Variants in ANKH observed in about 807,000 individuals in gnomAD.
The protein encoded by ANKH is mineralization regulator ANKH.
In ANKH, 15 loss-of-function variants were observed where a neutral mutation model predicts 49.0. The observed-to-expected ratio is 0.31, with a 90% CI of 0.20 to 0.47. ANKH has a LOEUF of 0.47. Among genes scored for constraint, ANKH ranks in the 20% least tolerant of loss-of-function variants. The probability of loss-of-function intolerance (pLI) is 1.00; values close to 1 mark genes in which losing one functional copy is unlikely to be tolerated. For synonymous variants in ANKH, 273 were observed against 260.0 expected (o/e 1.05, Z -0.48); for missense variants, 429 against 652.0 (o/e 0.66, Z 3.72).
chr5:14,826,425 T>C (rs1459484498), intron 1 of ANKH, among the ~76,000 whole-genome samples: 1 of 152,232 alleles, frequency 6.6e-6, no homozygotes, highest in African/African-American at 2.4e-5. Flanking sequence ...GTTCTTCCTG[T>C]TTGTGCTTCT....
At chr5:14,844,497 G>C (rs1741901568) in intron 1 of ANKH, among the ~76,000 whole-genome samples, 1 of 152,232 alleles carries the variant, frequency 6.6e-6, no homozygotes, top group Non-Finnish European at 1.5e-5. Flanking sequence ...TGAGGCTTCA[G>C]CCTTGCTCTC....
At chr5:14,780,471 A>G (rs1382330439) in intron 1 of ANKH, among the ~76,000 whole-genome samples, 1 of 152,192 alleles carries the variant, frequency 6.6e-6, no homozygotes, top group Non-Finnish European at 1.5e-5. Flanking sequence ...TGAACCCAGG[A>G]GGCGGAGGTT....
In ANKH at chr5:14,768,993, C is replaced by T. The variant is rs770678323; in HGVS notation, c.295G>A (p.Val99Ile). Reference sequence around the variant, plus strand: ...GCCTCACCTATCAGTGTGTGAAAGACGGCAGCGATGGCCCCTGCCACCACC... The same window carrying T: ...GCCTCACCTATCAGTGTGTGAAAGATGGCAGCGATGGCCCCTGCCACCACC... ...CMVVAGAIAA[V>I]FHTLIAYSDL... The change falls in exon 2 of 12, where the codon GTC becomes ATC. Residue 99 changes from valine (V) to isoleucine (I), a missense_variant. Around this residue, in one of 2 missense-constraint regions of ANKH, gnomAD observed 378 missense variants for 615.3 expected, o/e 0.61. Transcript: ENST00000284268. 48 of 1,614,100 alleles carry T rather than the reference C, an allele frequency of 3.0e-5. No homozygotes were observed. Among genetic ancestry groups the T allele is most frequent in the African/African-American group, 2.7e-5 (2 of 74,934 alleles).
At position 14,738,880 on chromosome 5, in the gene ANKH, T is replaced by C. The variant is rs115119471; in HGVS notation, c.1011+2947A>G. The stretch of plus-strand genomic sequence containing the variant: ...CATTCACAAGGGTGAATGCTGTCGG[T>C]ACCTTACTGACCGGTGTCTCATAAT... On this transcript the variant is annotated intron_variant, in intron 8 of 11. Transcript: ENST00000284268. Among the ~76,000 whole-genome samples the C allele has an allele frequency of 6.2e-3, 941 of 152,338 alleles. 16 individuals are homozygous for C. The highest frequency in any genetic ancestry group is 0.022 in the African/African-American group (907 of 41,578).
chr5:14,783,692 T>G (rs999614501), intron 1 of ANKH, among the ~76,000 whole-genome samples: 3 of 152,210 alleles, frequency 2.0e-5, no homozygotes, highest in African/African-American at 7.2e-5. Context: ...ATCCATGGTT[T>G]ATACCTAAGG....
intron 9 of ANKH, among the ~76,000 whole-genome samples, chr5:14,714,044 T>C (rs949074363): frequency 6.6e-6 from 1 of 152,222 alleles, no homozygotes; most frequent in Non-Finnish European, 1.5e-5. Flanking sequence ...GGCACTCTAG[T>C]GTGATGCTGC....
chr5:14,760,492 G>A (rs1739040491), intron 2 of ANKH, among the ~76,000 whole-genome samples: 1 of 152,178 alleles, frequency 6.6e-6, no homozygotes, highest in Admixed American at 6.5e-5. Context: ...GATCTACTTT[G>A]GGTGCCGAAC....
chr5:14,736,556 G>C (rs1738189810), intron 8 of ANKH, among the ~76,000 whole-genome samples: 1 of 152,152 alleles, frequency 6.6e-6, no homozygotes, highest in South Asian at 2.1e-4. Flanking sequence ...TTCCCTGTCT[G>C]TAACCCCACC....
At chr5:14,840,441 T>TA (rs372239870) in intron 1 of ANKH, among the ~76,000 whole-genome samples, 22 of 152,160 alleles carry the variant, frequency 1.4e-4, no homozygotes, top group Non-Finnish European at 2.2e-4. Context: ...CATGGAAAAA[T>TA]AAAAAAACAC....
rs1554006446 is a variant in ANKH, at chr5:14,793,037, A to AT, written c.97-23847_97-23846insA. Among the ~76,000 whole-genome samples, 51 of 56,184 alleles carry AT rather than the reference A, an allele frequency of 9.1e-4. 1 individual carries two copies. The South Asian group carries it at 0.017, about 18-fold the overall frequency. 36.9% of individuals were successfully genotyped at this position (56,184 alleles called of 152,430 possible). On this transcript the variant is annotated intron_variant, in intron 1 of 11. Coordinates refer to ENST00000284268, the MANE Select transcript of ANKH (RefSeq NM_054027.6). Reference sequence around the variant, plus strand: ...ATATATATAAATATATATATATAAAAATATATATATAAATATATATAAAAT... The same window carrying AT: ...ATATATATAAATATATATATATAAAATATATATATATAAATATATATAAAAT...
chr5:14,757,430 A>ATATATATTTTTTTTTTT (rs1379233165), intron 3 of ANKH, among the ~76,000 whole-genome samples: 4 of 113,798 alleles, frequency 3.5e-5, no homozygotes, highest in African/African-American at 1.3e-4. Context: ...ATATATATAT[A>ATATATATTTTTTTTTTT]TTTTTTTTTT....
intron 8 of ANKH, among the ~76,000 whole-genome samples, chr5:14,736,964 G>A (rs557357445): frequency 6.6e-6 from 1 of 152,342 alleles, no homozygotes; most frequent in South Asian, 2.1e-4. Context: ...CAGCAGAGCA[G>A]GGAGCTTGAG....
rs1561013367 is a variant in ANKH at position 14,708,787 on chromosome 5, ATAT to A, written c.*2407_*2409del. ...CTGTGTTCTCAGAAACTCTAACCAA[ATAT>A]TATGGCCCACTGATCTTGATCACTG... On this transcript the variant is annotated 3_prime_UTR_variant, in exon 12 of 12. Transcript: ENST00000284268. 6.6e-6 allele frequency: 1 copy of A among 152,310 alleles called. No homozygotes were observed. 9.4% of individuals were successfully genotyped at this position (152,310 alleles called of 1,614,324 possible).
chr5:14,793,022 ATATATATATAT>A (rs1740232786), intron 1 of ANKH, among the ~76,000 whole-genome samples: 16 of 23,304 alleles, frequency 6.9e-4, no homozygotes, highest in Non-Finnish European at 1.5e-3. Context: ...ATATATATAA[ATATATATATAT>A]AAAAATATAT....
intron 8 of ANKH, among the ~76,000 whole-genome samples, chr5:14,730,313 T>C (rs1161707488): frequency 6.6e-6 from 1 of 152,142 alleles, no homozygotes; most frequent in Non-Finnish European, 1.5e-5. Flanking sequence ...TTCTTCACAT[T>C]CACAGGAATC....
At chr5:14,742,572 CT>C (rs2126468675) in intron 7 of ANKH, among the ~76,000 whole-genome samples, 1 of 152,328 alleles carries the variant, frequency 6.6e-6, no homozygotes, top group East Asian at 1.9e-4. Flanking sequence ...CCTCTCTGAC[CT>C]TTGACCTCCA....
chr5:14,794,896 T>C (rs1011924694), intron 1 of ANKH, among the ~76,000 whole-genome samples: 1 of 152,274 alleles, frequency 6.6e-6, no homozygotes, highest in East Asian at 1.9e-4. Flanking sequence ...GAAAACGGAA[T>C]TCCGTTGGTG....
intron 1 of ANKH, among the ~76,000 whole-genome samples, chr5:14,772,586 C>T (rs537720719): frequency 1.3e-5 from 2 of 152,286 alleles, no homozygotes; most frequent in East Asian, 3.9e-4. Flanking sequence ...TACATTAACA[C>T]CCTAAAACAA....
intron 2 of ANKH, among the ~76,000 whole-genome samples, chr5:14,760,250 T>C (rs757672006): frequency 6.6e-6 from 1 of 152,034 alleles, no homozygotes; most frequent in African/African-American, 2.4e-5. Context: ...CCTGGGAAGA[T>C]GGGATTAGTT....
Sources: allele counts gnomAD v4.1 joint callset (sites outside exome capture counted in the v4.1 genomes callset), GRCh38; gene constraint gnomAD v4.1.1; regional missense constraint gnomAD v4.1.1; transcripts MANE v1.5; gene names NCBI Gene and HGNC (gene_info 2026-07-23, HGNC 2026-07-21).